ASTN2: variants seen among roughly 807,000 people sequenced by gnomAD.
ASTN2 encodes the protein astrotactin-2.
Under a neutral mutation model 139.8 loss-of-function variants are expected in ASTN2, and 54 were observed. That is an observed-to-expected ratio of 0.39 (90% CI 0.31 to 0.48). The LOEUF is 0.48. ASTN2 is among the 20% of genes least tolerant of loss of function. The pLI is 0.95. For synonymous variants in ASTN2, 756 were observed against 719.5 expected (o/e 1.05, Z -0.81); for missense variants, 1,565 against 1,725.1 (o/e 0.91, Z 1.64).
intron 13 of ASTN2, among the ~76,000 whole-genome samples, chr9:116,753,347 G>C (rs1178099819): frequency 6.6e-6 from 1 of 152,196 alleles, no homozygotes; most frequent in Non-Finnish European, 1.5e-5. Flanking sequence ...CAGGAGTTCA[G>C]GGAGAGAGGC....
intron 19 of ASTN2, chr9:116,540,315 C>T (rs545699799): frequency 3.5e-4 from 54 of 152,242 alleles, no homozygotes; most frequent in African/African-American, 1.2e-3. Flanking sequence ...GAAAAAAAAT[C>T]ATACCCATCT....
intron 19 of ASTN2, among the ~76,000 whole-genome samples, chr9:116,575,689 G>A (rs1451615104): frequency 6.6e-6 from 1 of 152,074 alleles, no homozygotes; most frequent in Non-Finnish European, 1.5e-5. Context: ...GAAAGTTCAG[G>A]GGGTGCTGAC....
At chr9:116,595,785 C>T (rs1854546222) in intron 19 of ASTN2, among the ~76,000 whole-genome samples, 1 of 152,152 alleles carries the variant, frequency 6.6e-6, no homozygotes, top group African/African-American at 2.4e-5. Flanking sequence ...GGCATGATTA[C>T]ACTTAGCTTA....
rs536183391 is a variant in ASTN2 at position 117,231,419 on chromosome 9, C to A, written c.631-16677G>T. On this transcript the variant is annotated intron_variant, in intron 2 of 22. Transcript: ENST00000313400. The stretch of plus-strand genomic sequence containing the variant: ...CGATCCATGAAATTTGAGTTCAAAT[C>A]TTATTGCTACTCTATTGGTTTTGTG... 1.3e-4 allele frequency among the ~76,000 whole-genome samples: 20 copies of A among 152,288 alleles called. 3 individuals carry two copies. Among genetic ancestry groups the A allele is most frequent in the African/African-American group, 4.8e-4 (20 of 41,566 alleles).
chr9:116,675,941 G>A (rs58756223), intron 16 of ASTN2, among the ~76,000 whole-genome samples: 6,036 of 152,234 alleles, frequency 0.04, 393 homozygotes, highest in African/African-American at 0.14. Context: ...TGCTGAACAA[G>A]GTGACTAATG....
At chr9:116,460,004 A>G (rs1437698728) in intron 20 of ASTN2, among the ~76,000 whole-genome samples, 1 of 152,180 alleles carries the variant, frequency 6.6e-6, no homozygotes, top group East Asian at 1.9e-4. Context: ...AAATGACCCA[A>G]TATCCATCAA....
intron 2 of ASTN2, among the ~76,000 whole-genome samples, chr9:117,290,633 A>G (rs564874582): frequency 6.6e-6 from 1 of 152,218 alleles, no homozygotes; most frequent in South Asian, 2.1e-4. Flanking sequence ...AATGGTAGAT[A>G]CTCAAGAAAT....
At chr9:117,369,873 T>C (rs1292836380) in intron 1 of ASTN2, among the ~76,000 whole-genome samples, 1 of 152,114 alleles carries the variant, frequency 6.6e-6, no homozygotes, top group Non-Finnish European at 1.5e-5. Context: ...TGTTAAGCAT[T>C]AGAGGAGGAA....
chr9:117,095,437 T>A (rs1388258741), intron 5 of ASTN2, among the ~76,000 whole-genome samples: 3 of 152,210 alleles, frequency 2.0e-5, no homozygotes, highest in Non-Finnish European at 1.5e-5. Context: ...TGAGAAATAA[T>A]TATCCAATAC....
intron 16 of ASTN2, chr9:116,686,752 G>A: frequency 6.4e-7 from 1 of 1,550,626 alleles, no homozygotes; most frequent in Non-Finnish European, 8.7e-7. Context: ...TGCCTCTGCT[G>A]TCGGCCTCCC....
chr9:117,290,102 C>T (rs763751244), intron 2 of ASTN2, among the ~76,000 whole-genome samples: 12 of 152,186 alleles, frequency 7.9e-5, no homozygotes, highest in Non-Finnish European at 1.8e-4. Context: ...AGAGGTAGCT[C>T]TGCTCTGCTG....
chr9:116,708,347 G>A (rs1004551224), intron 16 of ASTN2, among the ~76,000 whole-genome samples: 1 of 152,098 alleles, frequency 6.6e-6, no homozygotes, highest in African/African-American at 2.4e-5. Flanking sequence ...TCAACAACTG[G>A]TAAATACTTT....
intron 1 of ASTN2, among the ~76,000 whole-genome samples, chr9:117,337,403 G>A (rs918827801): frequency 6.6e-6 from 1 of 152,146 alleles, no homozygotes; most frequent in African/African-American, 2.4e-5. Context: ...AATAAAAAGA[G>A]AGGTCATTTT....
chr9:116,983,197 T>TCC (rs1836560492), intron 7 of ASTN2, among the ~76,000 whole-genome samples: 1 of 152,152 alleles, frequency 6.6e-6, no homozygotes, highest in South Asian at 2.1e-4. Context: ...ATGGATCCCT[T>TCC]CCCCATGTTG....
At chr9:116,463,917 T>TTTTG (rs1489001144) in intron 20 of ASTN2, among the ~76,000 whole-genome samples, 4 of 149,820 alleles carry the variant, frequency 2.7e-5, no homozygotes, top group Non-Finnish European at 4.5e-5. Flanking sequence ...TGTTTTTTTT[T>TTTTG]TTTTTTTTTT....
chr9:116,503,023 GAAA>G (rs1564323908), intron 19 of ASTN2, among the ~76,000 whole-genome samples: 1 of 130,310 alleles, frequency 7.7e-6, no homozygotes, highest in Admixed American at 8.6e-5. Flanking sequence ...TGAAAGGAAA[GAAA>G]AAAGGAGGAA....
intron 4 of ASTN2, among the ~76,000 whole-genome samples, chr9:117,122,558 T>C (rs1829584149): frequency 6.6e-6 from 1 of 152,192 alleles, no homozygotes; most frequent in South Asian, 2.1e-4. Flanking sequence ...TGGGCAGCAG[T>C]CTGAAGTGTC....
At chr9:117,212,630 T>C (rs920168309) in intron 3 of ASTN2, among the ~76,000 whole-genome samples, 1 of 151,950 alleles carries the variant, frequency 6.6e-6, no homozygotes, top group African/African-American at 2.4e-5. Flanking sequence ...GGACAAATTG[T>C]TCTGAATAGA....
At chr9:116,956,156 C>T (rs540549096) in intron 10 of ASTN2, among the ~76,000 whole-genome samples, 171 of 134,472 alleles carry the variant, frequency 1.3e-3, no homozygotes, top group Middle Eastern at 5.4e-3. Context: ...AGTGCAATGG[C>T]GCGATGTTGG....
Sources: gnomAD v4.1 joint callset for allele counts (sites outside exome capture counted in the v4.1 genomes callset) on GRCh38, gnomAD v4.1.1 for gene constraint, MANE v1.5 for transcripts, NCBI Gene and HGNC (gene_info 2026-07-23, HGNC 2026-07-21) for gene names.